Variants in KLHL32 observed in about 807,000 individuals in gnomAD.
The protein encoded by KLHL32 is kelch-like protein 32.
Under a neutral mutation model 64.8 loss-of-function variants are expected in KLHL32, and 35 were observed. The observed-to-expected ratio is 0.54, with a 90% CI of 0.41 to 0.72. The LOEUF (loss-of-function observed/expected upper bound fraction) is 0.72, where lower values mean the gene tolerates loss of function less well. Among genes scored for constraint, KLHL32 ranks in the 30% least tolerant of loss-of-function variants. KLHL32 has a pLI of 0.00. For synonymous variants in KLHL32, 259 were observed against 281.0 expected (o/e 0.92, Z 0.78); for missense variants, 589 against 768.5 (o/e 0.77, Z 2.76).
chr6:96,961,094 C>A (rs1267198038), intron 1 of KLHL32, among the ~76,000 whole-genome samples: 1 of 152,160 alleles, frequency 6.6e-6, no homozygotes, highest in African/African-American at 2.4e-5. Flanking sequence ...CTTTGGAGGA[C>A]TATTTCAAGA....
chr6:97,042,230 G>A (rs1326502556), intron 4 of KLHL32, among the ~76,000 whole-genome samples: 5 of 152,104 alleles, frequency 3.3e-5, no homozygotes, highest in East Asian at 3.9e-4. Context: ...TTCATCCAAC[G>A]TGGATTTAGT....
At chr6:97,074,924 C>A (rs542345150) in intron 5 of KLHL32, among the ~76,000 whole-genome samples, 2 of 151,806 alleles carry the variant, frequency 1.3e-5, no homozygotes, top group African/African-American at 4.8e-5. Context: ...AATCTCCTTA[C>A]GTGCTGAGTC....
Position 97,008,882 on chromosome 6 carries a change from TC to T in KLHL32, c.205-32608del, listed in dbSNP as rs555413337. Among the ~76,000 whole-genome samples, 1,463 of 152,132 alleles carry T rather than the reference TC, an allele frequency of 9.6e-3. 16 individuals carry two copies. The highest frequency in any genetic ancestry group is 0.015 in the Non-Finnish European group (1,041 of 67,990). ...GTCCCTGTCTCTTGATGGGAGATGT[TC>T]CTCCTGGCTGTGCTTAGCCGGCCGT... On this transcript the variant is annotated intron_variant, in intron 3 of 10. Transcript: ENST00000369261.
At chr6:97,015,873 C>G (rs1248127321) in intron 3 of KLHL32, among the ~76,000 whole-genome samples, 2 of 152,042 alleles carry the variant, frequency 1.3e-5, no homozygotes, top group African/African-American at 4.8e-5. Flanking sequence ...GACTTGGTCC[C>G]CTGCATCTCA....
At chr6:97,072,591 C>A (rs1790926664) in intron 5 of KLHL32, among the ~76,000 whole-genome samples, 1 of 150,730 alleles carries the variant, frequency 6.6e-6, no homozygotes, top group African/African-American at 2.5e-5. Context: ...ATTTACTACC[C>A]ATGTGCAATG....
chr6:96,942,269 CCCTCACCATCCTTT>C (rs1452344052), intron 1 of KLHL32, among the ~76,000 whole-genome samples: 2 of 152,194 alleles, frequency 1.3e-5, no homozygotes, highest in Non-Finnish European at 2.9e-5. Context: ...ACTGCTGTCC[CCCTCACCATCCTTT>C]CCAGCTACTG....
chr6:97,023,616 T>G (rs902107094), intron 3 of KLHL32, among the ~76,000 whole-genome samples: 1 of 152,178 alleles, frequency 6.6e-6, no homozygotes, highest in African/African-American at 2.4e-5. Context: ...TAGAATTTCT[T>G]GAATTCTTAG....
At chr6:97,104,158 T>C (rs1796099643) in intron 6 of KLHL32, among the ~76,000 whole-genome samples, 1 of 152,222 alleles carries the variant, frequency 6.6e-6, no homozygotes, top group African/African-American at 2.4e-5. Context: ...ATATAAAATT[T>C]ACCTTTTAAA....
intron 4 of KLHL32, among the ~76,000 whole-genome samples, chr6:97,050,748 A>G (rs1288788954): frequency 6.6e-6 from 1 of 152,190 alleles, no homozygotes; most frequent in Non-Finnish European, 1.5e-5. Context: ...CATGCCTGTA[A>G]TCCCAGCACT....
intron 5 of KLHL32, among the ~76,000 whole-genome samples, chr6:97,076,063 G>A (rs1791548191): frequency 6.6e-6 from 1 of 152,100 alleles, no homozygotes; most frequent in Non-Finnish European, 1.5e-5. Flanking sequence ...ATTTCTCCAT[G>A]TGCCTTTTCT....
Position 97,041,584 on chromosome 6 carries a change from T to C in KLHL32, c.297T>C (p.Phe99=), listed in dbSNP as rs775661504. 2 of 1,608,392 alleles carry C rather than the reference T, an allele frequency of 1.2e-6. No individual in the cohort carries two copies. The highest frequency in any genetic ancestry group is 1.7e-6 in the Non-Finnish European group (2 of 1,174,778). Residue 99 remains phenylalanine (F), a synonymous_variant, in exon 4 of 11, where the codon TTT becomes TTC. Coordinates refer to ENST00000369261, the MANE Select transcript of KLHL32 (RefSeq NM_052904.4). The stretch of plus-strand genomic sequence containing the variant: ...TTGGCTTAAAGCAGGCTCTGGAGTT[T>C]GCATACACAGGACAGGTATGGTATT... ...TSLGLKQALE[F]AYTGQILLEP... is the part of the protein sequence containing the mutation.
At chr6:97,012,300 C>T (rs1343158770) in intron 3 of KLHL32, among the ~76,000 whole-genome samples, 10 of 152,176 alleles carry the variant, frequency 6.6e-5, no homozygotes, top group African/African-American at 2.4e-4. Context: ...ACCACAAAGT[C>T]CTAAAGATAG....
At chr6:97,043,848 C>A (rs1319894714) in intron 4 of KLHL32, among the ~76,000 whole-genome samples, 2 of 151,988 alleles carry the variant, frequency 1.3e-5, no homozygotes, top group African/African-American at 4.8e-5. Context: ...TGTATGTCTT[C>A]TTTTGAGAAG....
intron 3 of KLHL32, among the ~76,000 whole-genome samples, chr6:97,007,459 A>T (rs1263448472): frequency 6.6e-6 from 1 of 152,036 alleles, no homozygotes; most frequent in African/African-American, 2.4e-5. Flanking sequence ...CTTTGTTCCT[A>T]TCCATATTTT....
chr6:96,936,468 C>A (rs1386752355), intron 1 of KLHL32, among the ~76,000 whole-genome samples: 1 of 152,158 alleles, frequency 6.6e-6, no homozygotes, highest in Admixed American at 6.5e-5. Flanking sequence ...TGTTCAGCAC[C>A]CAAACCTTGG....
chr6:97,078,443 A>T (rs1393543129), intron 5 of KLHL32, among the ~76,000 whole-genome samples: 2 of 152,196 alleles, frequency 1.3e-5, no homozygotes, highest in Non-Finnish European at 2.9e-5. Context: ...TTATAATTAC[A>T]TTGATGAAAC....
intron 10 of KLHL32, among the ~76,000 whole-genome samples, chr6:97,138,091 G>A (rs1193505867): frequency 6.6e-6 from 1 of 152,186 alleles, no homozygotes; most frequent in Non-Finnish European, 1.5e-5. Context: ...AAATGAAAAG[G>A]GATCAAGATG....
At chr6:96,977,417 A>G (rs922746925) in intron 3 of KLHL32, among the ~76,000 whole-genome samples, 2 of 152,202 alleles carry the variant, frequency 1.3e-5, no homozygotes, top group African/African-American at 4.8e-5. Flanking sequence ...ATTAGCCAGA[A>G]TGTTTTGAAA....
intron 5 of KLHL32, among the ~76,000 whole-genome samples, chr6:97,073,580 C>A (rs1447816280): frequency 2.0e-5 from 3 of 152,064 alleles, no homozygotes; most frequent in African/African-American, 7.2e-5. Flanking sequence ...ATCTCTAGTT[C>A]TAGTGCATGG....
Sources: gnomAD v4.1 joint callset for allele counts (sites outside exome capture counted in the v4.1 genomes callset) on GRCh38, gnomAD v4.1.1 for gene constraint, MANE v1.5 for transcripts, NCBI Gene and HGNC (gene_info 2026-07-23, HGNC 2026-07-21) for gene names.